Variants in NUP98 observed in about 807,000 individuals in gnomAD.
NUP98 encodes the protein nucleoporin 98 and 96 precursor.
A neutral mutation model predicts 191.9 loss-of-function variants in NUP98; 26 were observed. The observed-to-expected ratio is 0.14, with a 90% CI of 0.10 to 0.19. The LOEUF (loss-of-function observed/expected upper bound fraction) is 0.19, where lower values mean the gene tolerates loss of function less well. NUP98 is among the 10% of genes least tolerant of loss of function. The pLI is 1.00. For missense variants in NUP98, 1,941 were observed against 2,178.8 expected, an observed-to-expected ratio of 0.89 and a Z score of 2.17; for synonymous variants, 808 against 778.4, an observed-to-expected ratio of 1.04 and a Z score of -0.63.
intron 9 of NUP98, among the ~76,000 whole-genome samples, chr11:3,761,683 G>A (rs898273500): frequency 1.1e-4 from 17 of 152,082 alleles, no homozygotes; most frequent in South Asian, 2.1e-4. Context: ...GCTTGAACCC[G>A]GGAGGCAGAG....
Position 3,706,513 on chromosome 11 carries a change from C to A in NUP98, c.2857G>T (p.Asp953Tyr), listed in dbSNP as rs1437833432. The change falls in exon 21 of 33, where the codon GAT (aspartate) becomes TAT (tyrosine). Residue 953 changes from aspartate to tyrosine, a missense_variant. Around this residue, in one of 6 missense-constraint regions of NUP98, gnomAD observed 1,030 missense variants for 1,115.8 expected, o/e 0.92. Transcript: ENST00000324932. ...DTMLEESMPE[D>Y]QEPVSASTHI... is the part of the protein sequence containing the mutation. Reference sequence around the variant, plus strand: ...GTTGAGGCAGACACAGGTTCCTGATCCTCAGGCATGCTCTCTTCTAACATG... The same window carrying A: ...GTTGAGGCAGACACAGGTTCCTGATACTCAGGCATGCTCTCTTCTAACATG... 6.2e-7 allele frequency: 1 copy of A among 1,614,074 alleles called. No individual in the cohort carries two copies. The highest frequency in any genetic ancestry group is 8.5e-7 in the Non-Finnish European group (1 of 1,179,992).
At chr11:3,711,774 T>G in intron 20 of NUP98, 2 of 825,986 alleles carry the variant, frequency 2.4e-6, no homozygotes, top group East Asian at 6.5e-5. Context: ...GTTTCCCACA[T>G]TTATCATACC....
Position 3,700,756 on chromosome 11 carries a change from T to G in NUP98, c.3596A>C (p.Gln1199Pro). ...RKPDEDMKLY[Q>P]TPLELKLKHS... ...TTTTAATTTGAGCTCCAGAGGTGTC[T>G]GATATAATTTCATGTCTTCATCTGG... The change falls in exon 24 of 33, where the codon CAG (glutamine) becomes CCG (proline). Residue 1199 changes from glutamine to proline, a missense_variant. By Grantham distance (76) the Gln-to-Pro change is moderately conservative (BLOSUM62 -1). Transcript: ENST00000324932. 6.2e-7 allele frequency: 1 copy of G among 1,614,178 alleles called. No homozygotes were observed. The highest frequency in any genetic ancestry group is 1.7e-5 in the Admixed American group (1 of 60,012).
chr11:3,719,599 T>C, intron 17 of NUP98, 49 bp from the exon 18 acceptor site: 3 of 1,334,632 alleles, frequency 2.2e-6, no homozygotes, highest in South Asian at 1.5e-5. Flanking sequence ...TGAAGGCAAA[T>C]ACCTACTTTA....
chr11:3,716,278 T>G lies in NUP98; in HGVS notation c.2400-2283A>C, dbSNP rs1312421522. Among the ~76,000 whole-genome samples, 5 of 152,194 alleles carry G rather than the reference T, an allele frequency of 3.3e-5. No individual in the cohort carries two copies. In the South Asian group the frequency reaches 6.2e-4, roughly 19 times the overall value. On this transcript the variant is annotated intron_variant, in intron 18 of 32. Transcript: ENST00000324932. Reference sequence around the variant, plus strand: ...TATGGCATAACTTCACTCTTTTGTATGTGGATATCCAGTTTGCCAGCATCC... The same window carrying G: ...TATGGCATAACTTCACTCTTTTGTAGGTGGATATCCAGTTTGCCAGCATCC...
intron 25 of NUP98, among the ~76,000 whole-genome samples, chr11:3,697,771 G>A (rs913649195): frequency 2.9e-5 from 4 of 137,484 alleles, no homozygotes; most frequent in South Asian, 4.5e-4. Flanking sequence ...AGCTGAGATC[G>A]TTCCACTGCA....
Position 3,731,561 on chromosome 11 carries a change from A to G in NUP98, c.1560T>C (p.Asn520=). Residue 520 remains asparagine, a synonymous_variant, in exon 14 of 33, where the codon AAT becomes AAC. Coordinates refer to ENST00000324932, the MANE Select transcript of NUP98 (RefSeq NM_016320.5). ...KKKEERLKPT[N]PAAQKALTTP... is the part of the protein sequence containing the mutation. The stretch of plus-strand genomic sequence containing the variant: ...TAGTAAGAGCCTTCTGGGCTGCTGG[A>G]TTTGTTGGTTTCAATCTCTGAAAAA... The G allele has an allele frequency of 6.4e-7, 1 of 1,560,756 alleles. No homozygotes were observed. The highest frequency in any genetic ancestry group is 1.2e-5 in the South Asian group (1 of 81,100).
chr11:3,708,191 A>G (rs1391731379), intron 20 of NUP98, among the ~76,000 whole-genome samples: 1 of 152,198 alleles, frequency 6.6e-6, no homozygotes, highest in Non-Finnish European at 1.5e-5. Context: ...ACTAAGTTCA[A>G]CACTTATTTA....
chr11:3,794,679 C>G (rs942928618), intron 1 of NUP98, among the ~76,000 whole-genome samples: 1 of 152,166 alleles, frequency 6.6e-6, no homozygotes, highest in Non-Finnish European at 1.5e-5. Flanking sequence ...AGCAGTGGTG[C>G]AATCACAGCA....
chr11:3,684,811 G>T (rs1482373575), intron 29 of NUP98, among the ~76,000 whole-genome samples: 4 of 130,072 alleles, frequency 3.1e-5, no homozygotes, highest in African/African-American at 8.6e-5. Flanking sequence ...CTTAGGCTTA[G>T]AGAGTTAAGA....
In NUP98 at chr11:3,676,489, TGAG is replaced by T. The variant is rs759908188; in HGVS notation, c.5185+17_5185+19del. ...ACAGGAAGCAAGAAGGCAGAAAGAG[TGAG>T]GAGGTTAGAGGCTTACCTGACTGAG... On this transcript the variant is annotated intron_variant, in intron 32 of 32. Coordinates refer to ENST00000324932, the MANE Select transcript of NUP98 (RefSeq NM_016320.5). 37 of 1,606,746 alleles carry T rather than the reference TGAG, an allele frequency of 2.3e-5. 2 individuals carry two copies. Among genetic ancestry groups the T allele is most frequent in the South Asian group, 2.1e-4 (19 of 90,904 alleles).
chr11:3,723,938 T>C (rs1421446237), intron 15 of NUP98, among the ~76,000 whole-genome samples: 1 of 151,654 alleles, frequency 6.6e-6, no homozygotes, highest in Admixed American at 6.6e-5. Flanking sequence ...GAATACCGGA[T>C]AATCTAAATG....
At chr11:3,744,825 T>G (rs555735647) in intron 11 of NUP98, among the ~76,000 whole-genome samples, 176 bp from the exon 12 acceptor site, 4 of 152,254 alleles carry the variant, frequency 2.6e-5, no homozygotes, top group Non-Finnish European at 5.9e-5. Context: ...CAGTACATTA[T>G]ACACATCATA....
rs561822161 is a variant in NUP98, at chr11:3,766,544, C to T, written c.948+2037G>A. ...GGCTCTACTAAAAATACAAAATTAG[C>T]TGGGTATGGTGGTGCATGCCTGCAA... On this transcript the variant is annotated intron_variant, in intron 8 of 32. Coordinates refer to ENST00000324932, the MANE Select transcript of NUP98 (RefSeq NM_016320.5). 2.6e-5 allele frequency among the ~76,000 whole-genome samples: 4 copies of T among 151,982 alleles called. No homozygotes were observed. In the East Asian group the frequency reaches 7.8e-4, roughly 29 times the overall value.
At chr11:3,713,510 G>A (rs1163061851) in intron 19 of NUP98, among the ~76,000 whole-genome samples, 2 of 152,152 alleles carry the variant, frequency 1.3e-5, no homozygotes, top group Non-Finnish European at 2.9e-5. Flanking sequence ...CTTGATCCCA[G>A]GAGTTGGAGA....
chr11:3,725,855 G>A (rs981677276), intron 14 of NUP98, among the ~76,000 whole-genome samples: 9 of 152,038 alleles, frequency 5.9e-5, no homozygotes, highest in Admixed American at 3.9e-4. Flanking sequence ...TGTCACCCAC[G>A]CTGGTGTGTA....
chr11:3,716,634 G>A (rs934751079), intron 18 of NUP98, among the ~76,000 whole-genome samples: 1 of 152,016 alleles, frequency 6.6e-6, no homozygotes, highest in Non-Finnish European at 1.5e-5. Flanking sequence ...GCTTGAACCT[G>A]GGGGCAGAGG....
chr11:3,774,146 T>C (rs1219854022), intron 5 of NUP98, among the ~76,000 whole-genome samples: 1 of 152,088 alleles, frequency 6.6e-6, no homozygotes, highest in East Asian at 1.9e-4. Flanking sequence ...ACGCCTGTAA[T>C]CCTAGCACTC....
chr11:3,707,803 A>G (rs928534458), intron 20 of NUP98, among the ~76,000 whole-genome samples: 1 of 149,598 alleles, frequency 6.7e-6, no homozygotes, highest in African/African-American at 2.5e-5. Context: ...GCTCCCACTT[A>G]AATTTTAAGA....
Sources: allele counts gnomAD v4.1 joint callset (sites outside exome capture counted in the v4.1 genomes callset), GRCh38; gene constraint gnomAD v4.1.1; regional missense constraint gnomAD v4.1.1; transcripts MANE v1.5; gene names NCBI Gene and HGNC (gene_info 2026-07-23, HGNC 2026-07-21).